Variants in DYRK1A observed in about 807,000 individuals in gnomAD.
DYRK1A encodes dual specificity tyrosine-phosphorylation-regulated kinase 1A.
A neutral mutation model predicts 79.7 loss-of-function variants in DYRK1A; 9 were observed. The observed-to-expected ratio is 0.11, with a 90% CI of 0.07 to 0.20. The LOEUF is 0.20. DYRK1A is among the 10% of genes least tolerant of loss of function. DYRK1A has a pLI of 1.00. For synonymous variants in DYRK1A, 349 were observed against 329.7 expected (o/e 1.06, Z -0.63); for missense variants, 622 against 956.0 (o/e 0.65, Z 4.61).
intron 3 of DYRK1A, 147 bp from the exon 4 acceptor site, chr21:37,478,061 G>T: frequency 9.3e-7 from 1 of 1,074,442 alleles, no homozygotes; most frequent in South Asian, 1.7e-5. Context: ...AGGGAACTTT[G>T]AGAGAGAATG....
rs1270094743 is a variant in DYRK1A, at chr21:37,506,206, G to A, written c.1627G>A (p.Glu543Lys). Residue 543 changes from glutamate to lysine, a missense_variant, in exon 11 of 12, where the codon GAG (glutamate) becomes AAG (lysine). By Grantham distance (56) the Glu-to-Lys change is moderately conservative. Around this residue, in one of 5 missense-constraint regions of DYRK1A, gnomAD observed 292 missense variants for 316.7 expected, o/e 0.92. Coordinates refer to ENST00000647188, the MANE Select transcript of DYRK1A (RefSeq NM_001347721.2). ...FTAAVQAMDC[E>K]THSPQVRQQF... ...AGCTGCCGTGCAGGCCATGGACTGCGAGACACACAGTCCCCAGGTGAGCTC... is the reference window on the plus strand; with the variant it reads ...AGCTGCCGTGCAGGCCATGGACTGCAAGACACACAGTCCCCAGGTGAGCTC... 3 of 1,614,112 alleles carry A rather than the reference G, an allele frequency of 1.9e-6. No individual in the cohort carries two copies. Among genetic ancestry groups the A allele is most frequent in the South Asian group, 1.1e-5 (1 of 91,066 alleles).
At chr21:37,435,122 G>A (rs764564310) in intron 2 of DYRK1A, among the ~76,000 whole-genome samples, 5 of 152,190 alleles carry the variant, frequency 3.3e-5, no homozygotes, top group African/African-American at 7.2e-5. Flanking sequence ...TGTTCTAAAC[G>A]TGAAAGTGTT....
At chr21:37,446,626 G>A (rs2051281818) in intron 2 of DYRK1A, among the ~76,000 whole-genome samples, 1 of 150,002 alleles carries the variant, frequency 6.7e-6, no homozygotes, top group Non-Finnish European at 1.5e-5. Flanking sequence ...GTTTACAAGT[G>A]TGCTCACACG....
At chr21:37,485,210 T>C (rs1046850496) in intron 5 of DYRK1A, among the ~76,000 whole-genome samples, 1 of 152,206 alleles carries the variant, frequency 6.6e-6, no homozygotes, top group African/African-American at 2.4e-5. Context: ...GGCAAGTCAG[T>C]AGATACTTGG....
intron 1 of DYRK1A, among the ~76,000 whole-genome samples, chr21:37,395,199 G>A (rs568089256): frequency 1.1e-4 from 16 of 152,320 alleles, no homozygotes; most frequent in African/African-American, 3.1e-4. Flanking sequence ...ATTGGAGTCC[G>A]TCCGAAAGCT....
At chr21:37,463,714 T>G (rs2051930011) in intron 2 of DYRK1A, among the ~76,000 whole-genome samples, 1 of 152,242 alleles carries the variant, frequency 6.6e-6, no homozygotes, top group African/African-American at 2.4e-5. Flanking sequence ...TCATGGACTT[T>G]CGTTCACTTA....
chr21:37,481,378 T>C (rs1262000203), intron 5 of DYRK1A: 1 of 152,146 alleles, frequency 6.6e-6, no homozygotes, highest in Non-Finnish European at 1.5e-5. Flanking sequence ...TTTGGGTCTT[T>C]CTCCTTGTGC....
intron 1 of DYRK1A, among the ~76,000 whole-genome samples, chr21:37,417,525 TTTTC>T (rs1160818985): frequency 3.0e-4 from 20 of 67,096 alleles, no homozygotes; most frequent in East Asian, 8.8e-4. Context: ...TTCTTTTTCT[TTTTC>T]TTTTTTTTTT....
At chr21:37,473,842 G>A (rs563969445) in intron 3 of DYRK1A, among the ~76,000 whole-genome samples, 1 of 152,164 alleles carries the variant, frequency 6.6e-6, no homozygotes, top group African/African-American at 2.4e-5. Context: ...AAGATTTTAT[G>A]TAGTGAATTG....
At chr21:37,483,289 T>C (rs2052723863) in intron 5 of DYRK1A, among the ~76,000 whole-genome samples, 2 of 152,224 alleles carry the variant, frequency 1.3e-5, no homozygotes, top group South Asian at 4.1e-4. Context: ...TGGCTTCAGC[T>C]GGTCCCTCCG....
chr21:37,441,021 T>C (rs1003657447), intron 2 of DYRK1A, among the ~76,000 whole-genome samples: 2 of 152,072 alleles, frequency 1.3e-5, no homozygotes, highest in Admixed American at 6.6e-5. Flanking sequence ...AATATAATTG[T>C]GTCTATCGTT....
Position 37,486,649 on chromosome 21 carries a change from A to G in DYRK1A, c.637+35A>G, listed in dbSNP as rs762710647. ...CAGGCAAACAGCGCAGTGTGCCCCAACCCACACCAAAACTTTGAGTTAATG... is the reference window on the plus strand; with the variant it reads ...CAGGCAAACAGCGCAGTGTGCCCCAGCCCACACCAAAACTTTGAGTTAATG... On this transcript the variant is annotated intron_variant, in intron 6 of 11. Transcript: ENST00000647188. 12 of 1,416,352 alleles carry G rather than the reference A, an allele frequency of 8.5e-6. 1 individual carries two copies. In the South Asian group the frequency reaches 1.5e-4, roughly 18 times the overall value. 87.7% of individuals were successfully genotyped at this position (1,416,352 alleles called of 1,614,324 possible).
intron 9 of DYRK1A, among the ~76,000 whole-genome samples, chr21:37,500,564 A>G (rs2053411315): frequency 6.6e-6 from 1 of 152,140 alleles, no homozygotes; most frequent in Non-Finnish European, 1.5e-5. Flanking sequence ...TGTGATGTTT[A>G]GTAGAGGTCA....
At chr21:37,457,037 C>CTTACTTACT (rs1035437095) in intron 2 of DYRK1A, among the ~76,000 whole-genome samples, 3 of 59,228 alleles carry the variant, frequency 5.1e-5, no homozygotes, top group Non-Finnish European at 1.0e-4. Context: ...TACTTACTTA[C>CTTACTTACT]TTATTTATTT....
chr21:37,396,290 A>G (rs1234908162), intron 1 of DYRK1A, among the ~76,000 whole-genome samples: 1 of 152,150 alleles, frequency 6.6e-6, no homozygotes, highest in African/African-American at 2.4e-5. Flanking sequence ...ACCCTCTTTA[A>G]AGAAAATTTT....
rs1183029117 is a variant in DYRK1A at position 37,479,606 on chromosome 21, G to GTTTTTTTTTTTTTTTTTTTTTTTTTTTTT, written c.301-1027_301-1026insTTTTTTTTTTTTTTTTTTTTTTTTTTTTT. ...GTGTTGGTGTTTTGTTTTTGTTTTT[G>GTTTTTTTTTTTTTTTTTTTTTTTTTTTTT]TTTTTGTTTTTTGTTTTTTTTTTTT... is the stretch of plus-strand genomic sequence containing the variant. On this transcript the variant is annotated intron_variant, in intron 4 of 11. Transcript: ENST00000647188. Among the ~76,000 whole-genome samples the GTTTTTTTTTTTTTTTTTTTTTTTTTTTTT allele has an allele frequency of 1.2e-3, 32 of 27,598 alleles. 2 individuals are homozygous for GTTTTTTTTTTTTTTTTTTTTTTTTTTTTT. The highest frequency in any genetic ancestry group is 3.4e-3 in the East Asian group (3 of 878). 18.1% of individuals were successfully genotyped at this position (27,598 alleles called of 152,430 possible).
chr21:37,469,949 TC>T (rs2052165109), intron 2 of DYRK1A, among the ~76,000 whole-genome samples: 1 of 152,020 alleles, frequency 6.6e-6, no homozygotes. Flanking sequence ...ATCGAGACCA[TC>T]CTGGCTAACA....
intron 2 of DYRK1A, among the ~76,000 whole-genome samples, chr21:37,445,898 C>T (rs2051254486): frequency 6.6e-6 from 1 of 152,150 alleles, no homozygotes; most frequent in South Asian, 2.1e-4. Context: ...AATCCCAGCA[C>T]TTTGGGAGGT....
At chr21:37,411,968 T>C (rs1602431736) in intron 1 of DYRK1A, among the ~76,000 whole-genome samples, 1 of 152,216 alleles carries the variant, frequency 6.6e-6, no homozygotes, top group African/African-American at 2.4e-5. Context: ...AATCTGTTTA[T>C]TGAACATGTA....
Sources: gnomAD v4.1 joint callset for allele counts (sites outside exome capture counted in the v4.1 genomes callset) on GRCh38, gnomAD v4.1.1 for gene constraint, gnomAD v4.1.1 regional missense constraint, MANE v1.5 for transcripts, NCBI Gene and HGNC (gene_info 2026-07-23, HGNC 2026-07-21) for gene names.